Variants in LY6G6C observed in about 807,000 individuals in gnomAD.
LY6G6C encodes lymphocyte antigen 6 complex locus protein G6c.
LY6G6C carries 12 observed loss-of-function variants against 12.8 expected under a neutral mutation model. The observed-to-expected ratio is 0.94, with a 90% confidence interval of 0.60 to 1.52. LY6G6C has a LOEUF of 1.52. Among genes scored for constraint, LY6G6C ranks in the 40% most tolerant of loss-of-function variants. The pLI, the probability that LY6G6C is intolerant of heterozygous loss-of-function variation, is 0.00. For missense variants in LY6G6C, 125 were observed against 155.8 expected, an observed-to-expected ratio of 0.80 and a Z score of 1.05; for synonymous variants, 42 against 61.6, an observed-to-expected ratio of 0.68 and a Z score of 1.49.
Position 31,720,105 on chromosome 6 carries a change from G to T in LY6G6C, c.151C>A (p.His51Asn), listed in dbSNP as rs781609895. The T allele has an allele frequency of 4.3e-5, 70 of 1,612,380 alleles. No individual in the cohort carries two copies. The African/African-American group carries it at 6.1e-4, about 14-fold the overall frequency. The change falls in exon 2 of 3, where the codon CAT (histidine) becomes AAT (asparagine). Residue 51 changes from histidine to asparagine, a missense_variant. By Grantham distance (68) the His-to-Asn change is moderately conservative (BLOSUM62 1). Coordinates refer to ENST00000375819, the MANE Select transcript of LY6G6C (RefSeq NM_025261.3). This position sits in a 1 kb window ranked among gnomAD's most constrained non-coding sequence, Gnocchi z 4.9. Reference protein sequence around the residue: ...LEPGQQCLTTHAYLGKMWVFS... With the variant: ...LEPGQQCLTTNAYLGKMWVFS... ...AAGGGGATGTTACCAAGGTATGCATGTGTTGTCAGGCATTGCTGTCCTGGC... is the reference window on the plus strand; with the variant it reads ...AAGGGGATGTTACCAAGGTATGCATTTGTTGTCAGGCATTGCTGTCCTGGC...
In LY6G6C at chr6:31,720,315, A is replaced by T; in HGVS notation, c.53-112T>A. On this transcript the variant is annotated intron_variant, in intron 1 of 2. Coordinates refer to ENST00000375819, the MANE Select transcript of LY6G6C (RefSeq NM_025261.3). This position sits in a 1 kb window ranked among gnomAD's most constrained non-coding sequence, Gnocchi z 4.9. ...GAAGAGCCCATCCCGTAGGTGCTCC[A>T]ACCTGTTTGGCTGTTTGGTCTAGCA... is the stretch of plus-strand genomic sequence containing the variant. The T allele has an allele frequency of 1.4e-6, 1 of 704,298 alleles. No homozygotes were observed. The highest frequency in any genetic ancestry group is 2.5e-6 in the Non-Finnish European group (1 of 400,796). The allele number at this position is 704,298 out of a possible 1,614,324, so 43.6% of individuals were successfully genotyped here. A position where few individuals can be genotyped will look rare whatever the true frequency, so the allele number is the denominator to read the frequency against.
In LY6G6C at chr6:31,718,972, A is replaced by T; in HGVS notation, c.*124T>A. 1 of 783,686 alleles carries T rather than the reference A, an allele frequency of 1.3e-6. No individual in the cohort carries two copies. Among genetic ancestry groups the T allele is most frequent in the Non-Finnish European group, 2.1e-6 (1 of 472,818 alleles). The allele number at this position is 783,686 out of a possible 1,614,324, so 48.5% of individuals were successfully genotyped here. Reference sequence around the variant, plus strand: ...GATGGATGAGGAGACCACTCGGAACAGTGTTTAATTAAAGAAATGGGAGCT... The same window carrying T: ...GATGGATGAGGAGACCACTCGGAACTGTGTTTAATTAAAGAAATGGGAGCT... On this transcript the variant is annotated 3_prime_UTR_variant, in exon 3 of 3. Coordinates refer to ENST00000375819, the MANE Select transcript of LY6G6C (RefSeq NM_025261.3).
Position 31,720,218 on chromosome 6 carries a change from G to A in LY6G6C, c.53-15C>T. The A allele has an allele frequency of 1.3e-6, 2 of 1,594,084 alleles. No individual in the cohort carries two copies. The highest frequency in any genetic ancestry group is 2.2e-5 in the East Asian group (1 of 44,776). ...GCGAATGTCAGCTGGGAAGACACAA[G>A]TCAGGCTGAGGTGATGGGGTCTCTG... On this transcript the variant is annotated splice_polypyrimidine_tract_variant and intron_variant, in intron 1 of 2. Transcript: ENST00000375819. The surrounding 1 kb of genome is among the most constrained non-coding windows in gnomAD (Gnocchi z 4.9).
At position 31,720,278 on chromosome 6, in the gene LY6G6C, G is replaced by C; in HGVS notation, c.53-75C>G. On this transcript the variant is annotated intron_variant, in intron 1 of 2. Transcript: ENST00000375819. The surrounding 1 kb of genome is among the most constrained non-coding windows in gnomAD (Gnocchi z 4.9). ...GGGATAAGCTGAGCTGGGGGCAGGG[G>C]TGGAGGGTGGAGAAGAGCCCATCCC... 1 of 1,040,812 alleles carries C rather than the reference G, an allele frequency of 9.6e-7. No individual in the cohort carries two copies. The highest frequency in any genetic ancestry group is 1.5e-6 in the Non-Finnish European group (1 of 675,064). 64.5% of individuals were successfully genotyped at this position (1,040,812 alleles called of 1,614,324 possible).
Position 31,719,274 on chromosome 6 carries a change from G to A in LY6G6C, c.200C>T (p.Thr67Ile), listed in dbSNP as rs950522719. The A allele has an allele frequency of 4.3e-6, 7 of 1,614,044 alleles. No individual in the cohort carries two copies. The African/African-American group carries it at 6.7e-5, about 15-fold the overall frequency. Reference protein sequence around the residue: ...MWVFSNLRCGTPEEPCQEAFN... With the variant: ...MWVFSNLRCGIPEEPCQEAFN... ...GGCCTCCTGACAGGGCTCTTCTGGT[G>A]TGCCACAGCGCAGATTGGAGAAAAC... is the stretch of plus-strand genomic sequence containing the variant. The change falls in exon 3 of 3, where the codon ACA becomes ATA. Residue 67 changes from threonine to isoleucine, a missense_variant. Transcript: ENST00000375819.
In LY6G6C at chr6:31,720,438, C is replaced by G. The variant is rs1387476556; in HGVS notation, c.53-235G>C. On this transcript the variant is annotated intron_variant, in intron 1 of 2. Transcript: ENST00000375819. This position sits in a 1 kb window ranked among gnomAD's most constrained non-coding sequence, Gnocchi z 4.9. ...GAAAGGCCCACGCCCTACATATCTT[C>G]CATCACTCCACCCCGTTTGGAGGTG... Among the ~76,000 whole-genome samples the G allele has an allele frequency of 6.6e-6, 1 of 152,178 alleles. No individual in the cohort carries two copies. Among genetic ancestry groups the G allele is most frequent in the African/African-American group, 2.4e-5 (1 of 41,426 alleles).
rs1806731869 is a variant in LY6G6C, at chr6:31,720,770, T to C, written c.53-567A>G. 6.6e-6 allele frequency among the ~76,000 whole-genome samples: 1 copy of C among 152,176 alleles called. No homozygotes were observed. The highest frequency in any genetic ancestry group is 2.1e-4 in the South Asian group (1 of 4,832). ...TAGAATCCTCTCACCCCAGTAGCTC[T>C]TCAGCAGAAAGGAATGATACCTGAG... On this transcript the variant is annotated intron_variant, in intron 1 of 2. Coordinates refer to ENST00000375819, the MANE Select transcript of LY6G6C (RefSeq NM_025261.3). The surrounding 1 kb of genome is among the most constrained non-coding windows in gnomAD (Gnocchi z 4.9).
chr6:31,720,054 C>T lies in LY6G6C; in HGVS notation c.163+39G>A, dbSNP rs754540297. The T allele has an allele frequency of 2.7e-6, 4 of 1,460,266 alleles. No homozygotes were observed. Among genetic ancestry groups the T allele is most frequent in the Admixed American group, 3.4e-5 (2 of 59,476 alleles). 90.5% of individuals were successfully genotyped at this position (1,460,266 alleles called of 1,614,324 possible). ...GCCTCAGTCCTGGTCATAGAGGCTCCCACCTCCCTGTTCACCCCACTAAGG... is the reference window on the plus strand; with the variant it reads ...GCCTCAGTCCTGGTCATAGAGGCTCTCACCTCCCTGTTCACCCCACTAAGG... On this transcript the variant is annotated intron_variant, in intron 2 of 2. Transcript: ENST00000375819. This position sits in a 1 kb window ranked among gnomAD's most constrained non-coding sequence, Gnocchi z 4.9.
chr6:31,721,542 T>G, intron 1 of LY6G6C, 86 bp downstream of exon 1: 1 of 1,265,652 alleles, frequency 7.9e-7, no homozygotes, highest in Non-Finnish European at 1.1e-6. Context: ...GGATCCCGAG[T>G]GGTGGGTAGG....
rs956580805 is a variant in LY6G6C at position 31,718,830 on chromosome 6, A to AG, written c.*265dup. 65 of 524,546 alleles carry AG rather than the reference A, an allele frequency of 1.2e-4. 1 individual carries two copies. Among genetic ancestry groups the AG allele is most frequent in the Middle Eastern group, 4.8e-4 (1 of 2,062 alleles). 32.5% of individuals were successfully genotyped at this position (524,546 alleles called of 1,614,324 possible). On this transcript the variant is annotated 3_prime_UTR_variant, in exon 3 of 3. Transcript: ENST00000375819. ...CCCAGATCCCAATCCCTCCTCAAGTAGGGGACAGCAGAGTATAGGAAGCAA... is the reference window on the plus strand; with the variant it reads ...CCCAGATCCCAATCCCTCCTCAAGTAGGGGGACAGCAGAGTATAGGAAGCAA...
At chr6:31,719,993 C>A in intron 2 of LY6G6C, 100 bp downstream of exon 2, 1 of 747,916 alleles carries the variant, frequency 1.3e-6, no homozygotes, top group Non-Finnish European at 2.3e-6. Flanking sequence ...TTGCTATAAT[C>A]CTCTGCTTCT....
chr6:31,718,722 T>G lies in LY6G6C; in HGVS notation c.*374A>C. The G allele has an allele frequency of 1.4e-5, 4 of 290,158 alleles. No individual in the cohort carries two copies. Among genetic ancestry groups the G allele is most frequent in the East Asian group, 1.1e-4 (2 of 17,948 alleles). The allele number at this position is 290,158 out of a possible 1,614,324, so 18.0% of individuals were successfully genotyped here. A position where few individuals can be genotyped will look rare whatever the true frequency, so the allele number is the denominator to read the frequency against. On this transcript the variant is annotated 3_prime_UTR_variant, in exon 3 of 3. Transcript: ENST00000375819. ...ATGGGGTACATATGGGAGCCTGGGT[T>G]TGGGGAGTCAGCTCTGTACAGTGAG...
Position 31,718,834 on chromosome 6 carries a change from G to T in LY6G6C, c.*262C>A. ...GATCCCAATCCCTCCTCAAGTAGGGGACAGCAGAGTATAGGAAGCAAAGTG... is the reference window on the plus strand; with the variant it reads ...GATCCCAATCCCTCCTCAAGTAGGGTACAGCAGAGTATAGGAAGCAAAGTG... On this transcript the variant is annotated 3_prime_UTR_variant, in exon 3 of 3. Transcript: ENST00000375819. 1 of 546,856 alleles carries T rather than the reference G, an allele frequency of 1.8e-6. No individual in the cohort carries two copies. The highest frequency in any genetic ancestry group is 2.8e-5 in the East Asian group (1 of 35,158). 33.9% of individuals were successfully genotyped at this position (546,856 alleles called of 1,614,324 possible). A position where few individuals can be genotyped will look rare whatever the true frequency, so the allele number is the denominator to read the frequency against.
chr6:31,721,585 C>A, intron 1 of LY6G6C, 43 bp downstream of exon 1: 2 of 1,593,414 alleles, frequency 1.3e-6, no homozygotes, highest in Non-Finnish European at 1.7e-6. Context: ...GTGTAAAGGT[C>A]CTGACCAGGC....
In LY6G6C at chr6:31,720,050, G is replaced by T. The variant is rs2151294213; in HGVS notation, c.163+43C>A. 1 of 1,411,846 alleles carries T rather than the reference G, an allele frequency of 7.1e-7. No homozygotes were observed. Among genetic ancestry groups the T allele is most frequent in the South Asian group, 1.2e-5 (1 of 85,764 alleles). The allele number at this position is 1,411,846 out of a possible 1,614,324, so 87.5% of individuals were successfully genotyped here. A position where few individuals can be genotyped will look rare whatever the true frequency, so the allele number is the denominator to read the frequency against. Reference sequence around the variant, plus strand: ...TTGGGCCTCAGTCCTGGTCATAGAGGCTCCCACCTCCCTGTTCACCCCACT... The same window carrying T: ...TTGGGCCTCAGTCCTGGTCATAGAGTCTCCCACCTCCCTGTTCACCCCACT... On this transcript the variant is annotated intron_variant, in intron 2 of 2. Coordinates refer to ENST00000375819, the MANE Select transcript of LY6G6C (RefSeq NM_025261.3). This position sits in a 1 kb window ranked among gnomAD's most constrained non-coding sequence, Gnocchi z 4.9.
At chr6:31,721,229 C>T (rs1002830985) in intron 1 of LY6G6C, among the ~76,000 whole-genome samples, 5 of 151,998 alleles carry the variant, frequency 3.3e-5, no homozygotes, top group African/African-American at 9.7e-5. Context: ...CCTAGGTCTT[C>T]GAGAGGACAC....
Position 31,720,247 on chromosome 6 carries a change from T to TA in LY6G6C, c.53-45dup, listed in dbSNP as rs1387160862. ...GGCTGAGGTGATGGGGTCTCTGACT[T>TA]ACCTGGGGATAAGCTGAGCTGGGGG... On this transcript the variant is annotated intron_variant, in intron 1 of 2. Coordinates refer to ENST00000375819, the MANE Select transcript of LY6G6C (RefSeq NM_025261.3). The surrounding 1 kb of genome is among the most constrained non-coding windows in gnomAD (Gnocchi z 4.9). The TA allele has an allele frequency of 7.1e-7, 1 of 1,400,950 alleles. No homozygotes were observed. Among genetic ancestry groups the TA allele is most frequent in the Non-Finnish European group, 1.0e-6 (1 of 989,044 alleles). 86.8% of individuals were successfully genotyped at this position (1,400,950 alleles called of 1,614,324 possible). A position where few individuals can be genotyped will look rare whatever the true frequency, so the allele number is the denominator to read the frequency against.
In LY6G6C at chr6:31,719,212, T is replaced by TA; in HGVS notation, c.261dup (p.Asn88Ter). ...TTGTCCTTGTTGCAGCAGGTGGTGT[T>TA]ATATGTCAGACCCAGCTTGCGGTTG... On this transcript the variant is annotated frameshift_variant, in exon 3 of 3. Transcript: ENST00000375819. LOFTEE classifies it high-confidence loss of function. 1 of 1,614,168 alleles carries TA rather than the reference T, an allele frequency of 6.2e-7. No individual in the cohort carries two copies. The highest frequency in any genetic ancestry group is 8.5e-7 in the Non-Finnish European group (1 of 1,180,022).
chr6:31,720,232 A>T lies in LY6G6C; in HGVS notation c.53-29T>A. On this transcript the variant is annotated intron_variant, in intron 1 of 2. Transcript: ENST00000375819. The surrounding 1 kb of genome is among the most constrained non-coding windows in gnomAD (Gnocchi z 4.9). ...GGAAGACACAAGTCAGGCTGAGGTG[A>T]TGGGGTCTCTGACTTACCTGGGGAT... 6.5e-7 allele frequency: 1 copy of T among 1,541,632 alleles called. No individual in the cohort carries two copies. The highest frequency in any genetic ancestry group is 9.0e-7 in the Non-Finnish European group (1 of 1,115,668).
Sources: gnomAD v4.1 joint callset for allele counts (sites outside exome capture counted in the v4.1 genomes callset) on GRCh38, gnomAD v4.1.1 for gene constraint, Gnocchi (gnomAD v3.1) non-coding constraint, MANE v1.5 for transcripts, NCBI Gene and HGNC (gene_info 2026-07-23, HGNC 2026-07-21) for gene names.